The following RBM10 variants were observed in gnomAD, a reference collection of about 807,000 sequenced individuals.
The protein encoded by RBM10 is RNA-binding protein 10.
RBM10 carries 1 observed loss-of-function variant against 84.9 expected under a neutral mutation model. That is an observed-to-expected ratio of 0.01 (90% confidence interval 0.00 to 0.06). The LOEUF (loss-of-function observed/expected upper bound fraction) is 0.06. RBM10 is among the 10% of genes least tolerant of loss of function. The probability of loss-of-function intolerance (pLI) is 1.00; values close to 1 mark genes in which losing one functional copy is unlikely to be tolerated. For missense variants in RBM10, 438 were observed against 839.0 expected (o/e 0.52, Z 5.90); for synonymous variants, 326 against 344.5 (o/e 0.95, Z 0.60).
rs1556782619 is a variant in RBM10 at position 47,186,342 on chromosome X, C to A, written c.2622C>A (p.Gly874=). 1.7e-6 allele frequency: 2 copies of A among 1,199,864 alleles called. No individual in the cohort carries two copies. The highest frequency in any genetic ancestry group is 2.2e-6 in the Non-Finnish European group (2 of 889,097). The change falls in exon 23 of 24, where the codon GGC becomes GGA. Residue 874 remains glycine (G), a synonymous_variant. Coordinates refer to ENST00000377604, the MANE Select transcript of RBM10 (RefSeq NM_005676.5). ...TGCAGGCCATGGGCTGGAAAGAGGG[C>A]AGCGGCCTGGGCCGCAAGAAGCAGG... ...RMLQAMGWKE[G]SGLGRKKQGI...
intron 2 of RBM10, among the ~76,000 whole-genome samples, chrX:47,168,136 T>G (rs1015848644): frequency 2.7e-5 from 3 of 112,136 alleles, no homozygotes; most frequent in Non-Finnish European, 5.6e-5. Flanking sequence ...GCTTTTTTAG[T>G]CATTATTTGT....
At chrX:47,169,578 G>A in intron 3 of RBM10, 80 bp downstream of exon 3, 1 of 1,022,309 alleles carries the variant, frequency 9.8e-7, no homozygotes, top group Non-Finnish European at 1.3e-6. Flanking sequence ...AGCACCGTGT[G>A]CAGGCAGCTC....
chrX:47,176,608 G>A (rs782035830), intron 7 of RBM10, 22 bp downstream of exon 7: 42 of 1,210,122 alleles, frequency 3.5e-5, no homozygotes, highest in Non-Finnish European at 4.7e-5. Context: ...GTGGGCAGCA[G>A]TTGTCATGGA....
At position 47,181,290 on chromosome X, in the gene RBM10, G is replaced by A. The variant is rs1602589519; in HGVS notation, c.1324G>A (p.Glu442Lys). Reference protein sequence around the residue: ...PVDYSYYQQDEGYGNSQGTES... With the variant: ...PVDYSYYQQDKGYGNSQGTES... Reference sequence around the variant, plus strand: ...CGACTACAGCTACTACCAACAGGATGAGGGCTATGGCAACAGCCAGGGCAC... The same window carrying A: ...CGACTACAGCTACTACCAACAGGATAAGGGCTATGGCAACAGCCAGGGCAC... The change falls in exon 13 of 24, where the codon GAG becomes AAG. Residue 442 changes from glutamate (E) to lysine (K), a missense_variant. Transcript: ENST00000377604. 1 of 1,184,643 alleles carries A rather than the reference G, an allele frequency of 8.4e-7. No homozygotes were observed.
At chrX:47,169,534 G>A (rs1934482810) in intron 3 of RBM10, 36 bp downstream of exon 3, 6 of 1,172,672 alleles carry the variant, frequency 5.1e-6, no homozygotes, top group Non-Finnish European at 5.7e-6. Flanking sequence ...GCCTGGCTGG[G>A]ATGGGCTCCC....
chrX:47,183,813 C>T (rs782523767), intron 17 of RBM10, among the ~76,000 whole-genome samples: 81 of 110,011 alleles, frequency 7.4e-4, no homozygotes, highest in Non-Finnish European at 1.2e-3. Context: ...TCTCCTCCCT[C>T]AGCCTCCCGA....
chrX:47,186,681 G>A lies in RBM10; in HGVS notation c.*82G>A, dbSNP rs1028796591. On this transcript the variant is annotated 3_prime_UTR_variant, in exon 24 of 24. Coordinates refer to ENST00000377604, the MANE Select transcript of RBM10 (RefSeq NM_005676.5). Reference sequence around the variant, plus strand: ...ACAGAGTGTTGGATGGCTGGGACGGGGCCTTGCTCTTGTCGGCCAGCCCAC... The same window carrying A: ...ACAGAGTGTTGGATGGCTGGGACGGAGCCTTGCTCTTGTCGGCCAGCCCAC... The A allele has an allele frequency of 7.0e-4, 797 of 1,142,227 alleles. 9 individuals carry two copies. Among genetic ancestry groups the A allele is most frequent in the Middle Eastern group, 6.6e-4 (2 of 3,031 alleles). 94.1% of individuals were successfully genotyped at this position (1,142,227 alleles called of 1,213,427 possible). A position where few individuals can be genotyped will look rare whatever the true frequency, so the allele number is the denominator to read the frequency against.
rs1356628491 is a variant in RBM10, at chrX:47,175,244, T to G, written c.576+152T>G. On this transcript the variant is annotated intron_variant, in intron 6 of 23. Coordinates refer to ENST00000377604, the MANE Select transcript of RBM10 (RefSeq NM_005676.5). ...TCTCTCCCCTTCCTGACCCTCACTA[T>G]CTCCTCTTCCCATCTCTCGCTACCC... is the stretch of plus-strand genomic sequence containing the variant. The G allele has an allele frequency of 1.6e-5, 7 of 448,489 alleles. No individual in the cohort carries two copies. The African/African-American group carries it at 2.0e-4, about 13-fold the overall frequency. 37.0% of individuals were successfully genotyped at this position (448,489 alleles called of 1,213,427 possible). A position where few individuals can be genotyped will look rare whatever the true frequency, so the allele number is the denominator to read the frequency against.
intron 2 of RBM10, among the ~76,000 whole-genome samples, chrX:47,154,846 A>T (rs1331287846): frequency 9.2e-6 from 1 of 108,963 alleles, no homozygotes; most frequent in Admixed American, 9.9e-5. Flanking sequence ...CTAGGCATTT[A>T]CGGTAGGGAA....
chrX:47,173,066 G>C, intron 4 of RBM10, 62 bp from the exon 5 acceptor site: 1 of 1,209,936 alleles, frequency 8.3e-7, no homozygotes, highest in Middle Eastern at 2.3e-4. Flanking sequence ...CCTCCAGCCA[G>C]CCTCAGGTAC....
chrX:47,160,898 G>A (rs1933626829), intron 2 of RBM10, among the ~76,000 whole-genome samples: 1 of 112,037 alleles, frequency 8.9e-6, no homozygotes, highest in African/African-American at 3.2e-5. Flanking sequence ...ACTGAAAGCA[G>A]TCACGGACAA....
At chrX:47,149,338 T>G (rs5953003) in intron 2 of RBM10, among the ~76,000 whole-genome samples, 9,312 of 107,394 alleles carry the variant, frequency 0.087, 945 homozygotes, top group African/African-American at 0.29. Flanking sequence ...TGCTGTTTTT[T>G]TTTGTTTGTT....
At chrX:47,174,910 T>G (rs1311867243) in intron 5 of RBM10, 109 bp from the exon 6 acceptor site, 1 of 566,138 alleles carries the variant, frequency 1.8e-6, no homozygotes, top group East Asian at 3.6e-5. Context: ...CCTCTTCCCC[T>G]TTCCCTCTCT....
chrX:47,182,270 C>T lies in RBM10; in HGVS notation c.1894C>T (p.Pro632Ser), dbSNP rs1556780269. The T allele has an allele frequency of 1.7e-6, 2 of 1,211,071 alleles. No homozygotes were observed. The change falls in exon 17 of 24, where the codon CCC becomes TCC. Residue 632 changes from proline to serine, a missense_variant. Physicochemically the swap from Pro to Ser is moderately conservative, Grantham distance 74. This residue lies in a region of RBM10 where 39 missense variants were observed against 119.5 expected (regional missense o/e 0.33). Coordinates refer to ENST00000377604, the MANE Select transcript of RBM10 (RefSeq NM_005676.5). ...CGACGGACATAAGGAGACAGGGGCA[C>T]CCTCGAAGGAGGGCAAAGAGAAGAA... ...SADGHKETGA[P>S]SKEGKEKKEK...
In RBM10 at chrX:47,153,648, A is replaced by G. The variant is rs182197273; in HGVS notation, c.17+6150A>G. ...CTGTATTTATCAGTGAGGTAGTCCA[A>G]TATTTTTATTTTCAGTATTTATCTG... On this transcript the variant is annotated intron_variant, in intron 2 of 23. Transcript: ENST00000377604. Among the ~76,000 whole-genome samples, 5 of 112,153 alleles carry G rather than the reference A, an allele frequency of 4.5e-5. 1 individual carries two copies. In the South Asian group the frequency reaches 1.1e-3, roughly 25 times the overall value.
intron 6 of RBM10, among the ~76,000 whole-genome samples, chrX:47,175,666 C>T (rs1023771363): frequency 1.6e-4 from 18 of 111,402 alleles, no homozygotes; most frequent in Non-Finnish European, 2.6e-4. Context: ...GGCCTCACTT[C>T]GCCGCCCCTA....
At position 47,180,944 on chromosome X, in the gene RBM10, A is replaced by T. The variant is rs782711107; in HGVS notation, c.1249-271A>T. On this transcript the variant is annotated intron_variant, in intron 12 of 23. Coordinates refer to ENST00000377604, the MANE Select transcript of RBM10 (RefSeq NM_005676.5). Reference sequence around the variant, plus strand: ...AAGATGGTGTCTTCCTTGGCCTGACACCCAACACACACGCCACACACAGCA... The same window carrying T: ...AAGATGGTGTCTTCCTTGGCCTGACTCCCAACACACACGCCACACACAGCA... 4.1e-3 allele frequency among the ~76,000 whole-genome samples: 457 copies of T among 111,584 alleles called. 1 individual carries two copies. The highest frequency in any genetic ancestry group is 0.014 in the African/African-American group (419 of 30,708).
At chrX:47,176,379 C>A in intron 6 of RBM10, 121 bp from the exon 7 acceptor site, 1 of 1,136,032 alleles carries the variant, frequency 8.8e-7, no homozygotes, top group Non-Finnish European at 1.2e-6. Flanking sequence ...TCTCCGACCT[C>A]CCTCCGTTCC....
At chrX:47,175,184 T>G in intron 6 of RBM10, 92 bp downstream of exon 6, 1 of 667,660 alleles carries the variant, frequency 1.5e-6, no homozygotes. Flanking sequence ...CACAGTTCCC[T>G]GCCCTGTGGC....
Sources: allele counts gnomAD v4.1 joint callset (sites outside exome capture counted in the v4.1 genomes callset), GRCh38; gene constraint gnomAD v4.1.1; regional missense constraint gnomAD v4.1.1; transcripts MANE v1.5; gene names NCBI Gene and HGNC (gene_info 2026-07-23, HGNC 2026-07-21).